Variants in NEXMIF observed in about 807,000 individuals in gnomAD.
The protein encoded by NEXMIF is XLMR protein related to neurite extension.
NEXMIF carries 8 observed loss-of-function variants against 62.1 expected under a neutral mutation model. The ratio of observed to expected loss-of-function variants is 0.13; its 90% CI spans 0.08 to 0.23. The LOEUF (loss-of-function observed/expected upper bound fraction) is 0.23. Among genes scored for constraint, NEXMIF ranks in the 10% least tolerant of loss-of-function variants. The pLI, the probability that NEXMIF is intolerant of heterozygous loss-of-function variation, is 1.00. For synonymous variants in NEXMIF, 404 were observed against 416.6 expected (o/e 0.97, Z 0.37); for missense variants, 976 against 1,113.3 (o/e 0.88, Z 1.75).
chrX:74,812,166 C>A (rs1473702697), intron 1 of NEXMIF, among the ~76,000 whole-genome samples: 2 of 112,337 alleles, frequency 1.8e-5, no homozygotes, highest in Non-Finnish European at 3.8e-5. Flanking sequence ...TAGCATTCAG[C>A]CTCAGTAAAT....
At chrX:74,836,924 T>C (rs1356124889) in intron 1 of NEXMIF, among the ~76,000 whole-genome samples, 1 of 111,054 alleles carries the variant, frequency 9.0e-6, no homozygotes, top group Non-Finnish European at 1.9e-5. Context: ...ACCCCAGAGC[T>C]CTTTTGCCTG....
chrX:74,839,944 T>C (rs2080468753), intron 1 of NEXMIF, among the ~76,000 whole-genome samples: 1 of 111,953 alleles, frequency 8.9e-6, no homozygotes, highest in Non-Finnish European at 1.9e-5. Flanking sequence ...ATGGGATCAC[T>C]GGATTGAATG....
chrX:74,781,967 C>G (rs1198840686), intron 1 of NEXMIF, among the ~76,000 whole-genome samples: 1 of 112,383 alleles, frequency 8.9e-6, no homozygotes, highest in African/African-American at 3.2e-5. Context: ...GACTGAATGA[C>G]TGACTGAAAA....
At chrX:74,865,310 G>C (rs1018942319) in intron 1 of NEXMIF, among the ~76,000 whole-genome samples, 2 of 111,758 alleles carry the variant, frequency 1.8e-5, no homozygotes, top group African/African-American at 6.5e-5. Context: ...TGGAGGGAAA[G>C]TGACTGTTGT....
chrX:74,736,871 G>A lies in NEXMIF; in HGVS notation c.*2534C>T, dbSNP rs926895893. On this transcript the variant is annotated 3_prime_UTR_variant, in exon 4 of 4. Coordinates refer to ENST00000055682, the MANE Select transcript of NEXMIF (RefSeq NM_001008537.3). ...CTCTTTGGAGAAAGGGATGAACTAT[G>A]CCCTAGAATTGGCCCTTAATGGGCT... 8.9e-6 allele frequency: 1 copy of A among 111,735 alleles called. No homozygotes were observed. The highest frequency in any genetic ancestry group is 1.9e-5 in the Non-Finnish European group (1 of 53,047). The allele number at this position is 111,735 out of a possible 1,213,427, so 9.2% of individuals were successfully genotyped here.
intron 1 of NEXMIF, among the ~76,000 whole-genome samples, chrX:74,762,993 G>T (rs1347720272): frequency 9.0e-6 from 1 of 111,583 alleles, no homozygotes; most frequent in Non-Finnish European, 1.9e-5. Flanking sequence ...TATCAATTTT[G>T]GCTTTTGTTG....
chrX:74,807,832 T>C (rs942667834), intron 1 of NEXMIF, among the ~76,000 whole-genome samples: 3 of 111,709 alleles, frequency 2.7e-5, no homozygotes, highest in African/African-American at 9.8e-5. Flanking sequence ...TAGGAGTGAA[T>C]AGCCTTGTCT....
chrX:74,887,620 T>C (rs1203804977), intron 1 of NEXMIF, among the ~76,000 whole-genome samples: 2 of 110,572 alleles, frequency 1.8e-5, no homozygotes, highest in Non-Finnish European at 3.8e-5. Context: ...CCAGTTAGAA[T>C]GGCAATCATT....
At chrX:74,761,184 T>G (rs767266371) in intron 1 of NEXMIF, among the ~76,000 whole-genome samples, 1 of 111,014 alleles carries the variant, frequency 9.0e-6, no homozygotes, top group African/African-American at 3.3e-5. Flanking sequence ...GTTTTATTTT[T>G]TGTTGTGTCT....
At chrX:74,818,493 A>T (rs942667333) in intron 1 of NEXMIF, among the ~76,000 whole-genome samples, 5 of 112,077 alleles carry the variant, frequency 4.5e-5, no homozygotes, top group Non-Finnish European at 7.5e-5. Flanking sequence ...TAAAGACTTA[A>T]ATGTAAATCC....
chrX:74,880,227 T>C (rs1157287530), intron 1 of NEXMIF, among the ~76,000 whole-genome samples: 2 of 111,967 alleles, frequency 1.8e-5, no homozygotes, highest in Admixed American at 1.9e-4. Flanking sequence ...TACACCCCAG[T>C]GGAGAAACTC....
intron 1 of NEXMIF, among the ~76,000 whole-genome samples, chrX:74,884,975 A>G (rs1043023208): frequency 9.0e-6 from 1 of 111,017 alleles, no homozygotes; most frequent in Admixed American, 9.6e-5. Flanking sequence ...TCAAACTAGA[A>G]CTCAGGATTA....
At chrX:74,802,870 T>A (rs1474455144) in intron 1 of NEXMIF, among the ~76,000 whole-genome samples, 1 of 110,341 alleles carries the variant, frequency 9.1e-6, no homozygotes, top group African/African-American at 3.3e-5. Flanking sequence ...ATTAAAATAA[T>A]TAAAAAGAAT....
intron 1 of NEXMIF, among the ~76,000 whole-genome samples, chrX:74,767,629 G>A (rs1253317415): frequency 1.8e-5 from 2 of 111,899 alleles, no homozygotes; most frequent in Non-Finnish European, 3.8e-5. Context: ...ATCCCAGGGA[G>A]GCTCAGAACC....
At chrX:74,884,137 T>C (rs2080679184) in intron 1 of NEXMIF, among the ~76,000 whole-genome samples, 1 of 111,863 alleles carries the variant, frequency 8.9e-6, no homozygotes, top group Non-Finnish European at 1.9e-5. Flanking sequence ...AAAAAGCTCC[T>C]GAAGGAAGCA....
At chrX:74,766,310 T>G (rs1159711314) in intron 1 of NEXMIF, among the ~76,000 whole-genome samples, 3 of 112,149 alleles carry the variant, frequency 2.7e-5, no homozygotes, top group African/African-American at 9.7e-5. Context: ...TTTTCACGTA[T>G]GATATCTTGA....
intron 1 of NEXMIF, among the ~76,000 whole-genome samples, chrX:74,898,640 G>T (rs764602149): frequency 4.0e-4 from 45 of 111,862 alleles, no homozygotes; most frequent in Non-Finnish European, 7.3e-4. Flanking sequence ...ATGGTGTGGG[G>T]TATGTGGGAA....
At chrX:74,798,862 G>C (rs907303902) in intron 1 of NEXMIF, among the ~76,000 whole-genome samples, 1 of 108,955 alleles carries the variant, frequency 9.2e-6, no homozygotes, top group Non-Finnish European at 1.9e-5. Context: ...GGGAGGAAAG[G>C]GTAAAGAGAA....
rs368960082 is a variant in NEXMIF at position 74,832,572 on chromosome X, C to A, written c.-47-86875G>T. On this transcript the variant is annotated intron_variant, in intron 1 of 3. Transcript: ENST00000055682. The stretch of plus-strand genomic sequence containing the variant: ...CAAAATGAAAACAAAATAAAAAAAA[C>A]CAAGGTTTGGTTTCATTGATTTTTT... 1.5e-3 allele frequency among the ~76,000 whole-genome samples: 168 copies of A among 110,862 alleles called. No homozygotes were observed. In the East Asian group the frequency reaches 0.028, roughly 19 times the overall value.
Sources: gnomAD v4.1 joint callset for allele counts (sites outside exome capture counted in the v4.1 genomes callset) on GRCh38, gnomAD v4.1.1 for gene constraint, MANE v1.5 for transcripts, NCBI Gene and HGNC (gene_info 2026-07-23, HGNC 2026-07-21) for gene names.